The following OPCML variants were observed in gnomAD, a reference collection of about 807,000 sequenced individuals.
OPCML encodes opioid-binding protein/cell adhesion molecule.
Under a neutral mutation model 37.8 loss-of-function variants are expected in OPCML, and 13 were observed. The observed-to-expected ratio is 0.34, with a 90% CI of 0.22 to 0.55. The LOEUF is 0.55. OPCML is among the 20% of genes least tolerant of loss of function. OPCML has a pLI of 0.91. For synonymous variants in OPCML, 176 were observed against 168.8 expected, an observed-to-expected ratio of 1.04 and a Z score of -0.33; for missense variants, 341 against 435.6, an observed-to-expected ratio of 0.78 and a Z score of 1.93.
intron 2 of OPCML, among the ~76,000 whole-genome samples, chr11:132,867,734 C>T (rs1416658209): frequency 6.6e-6 from 1 of 152,166 alleles, no homozygotes; most frequent in Non-Finnish European, 1.5e-5. Flanking sequence ...CTTTCCATTC[C>T]TTGGATCTCT....
intron 2 of OPCML, among the ~76,000 whole-genome samples, chr11:132,908,301 T>C (rs558909671): frequency 6.6e-6 from 1 of 152,178 alleles, no homozygotes; most frequent in South Asian, 2.1e-4. Flanking sequence ...CACACACACA[T>C]ATATGCACAC....
intron 2 of OPCML, among the ~76,000 whole-genome samples, chr11:132,769,580 C>T (rs771843742): frequency 6.6e-6 from 1 of 152,184 alleles, no homozygotes; most frequent in Non-Finnish European, 1.5e-5. Flanking sequence ...TTTTCAATAT[C>T]TGCTCCTACC....
At chr11:132,973,055 C>T (rs556339267) in intron 1 of OPCML, among the ~76,000 whole-genome samples, 3 of 152,214 alleles carry the variant, frequency 2.0e-5, no homozygotes, top group African/African-American at 7.2e-5. Flanking sequence ...GCAAGTATGA[C>T]AGTTTTGTGT....
chr11:132,875,845 T>C (rs1942990384), intron 2 of OPCML, among the ~76,000 whole-genome samples: 1 of 152,192 alleles, frequency 6.6e-6, no homozygotes, highest in South Asian at 2.1e-4. Flanking sequence ...AGAGCCTGGG[T>C]TCCTCTGGTT....
intron 1 of OPCML, among the ~76,000 whole-genome samples, chr11:133,496,995 G>T (rs1212539522): frequency 6.6e-6 from 1 of 152,128 alleles, no homozygotes; most frequent in East Asian, 1.9e-4. Flanking sequence ...CAGAGGTAAT[G>T]CTTTCAACTT....
At chr11:132,843,711 T>C (rs544922857) in intron 2 of OPCML, among the ~76,000 whole-genome samples, 1 of 152,338 alleles carries the variant, frequency 6.6e-6, no homozygotes, top group South Asian at 2.1e-4. Context: ...ATTGAGATTG[T>C]GGCAGAAGGT....
chr11:132,736,786 G>T (rs1945273778), intron 2 of OPCML, among the ~76,000 whole-genome samples: 1 of 152,106 alleles, frequency 6.6e-6, no homozygotes, highest in South Asian at 2.1e-4. Context: ...TATGACCACT[G>T]CCCCATTGAC....
chr11:132,793,944 G>A (rs1204856504), intron 2 of OPCML, among the ~76,000 whole-genome samples: 3 of 152,190 alleles, frequency 2.0e-5, no homozygotes, highest in Non-Finnish European at 4.4e-5. Flanking sequence ...TCCCTGCCGT[G>A]ACCCCCATGC....
intron 1 of OPCML, among the ~76,000 whole-genome samples, chr11:133,082,428 C>A (rs1448694773): frequency 8.8e-6 from 1 of 113,572 alleles, no homozygotes; most frequent in East Asian, 3.1e-4. Context: ...TATCCTCCCC[C>A]CTCCCCATCC....
At position 132,842,424 on chromosome 11, in the gene OPCML, C is replaced by T. The variant is rs567578372; in HGVS notation, c.146+100502G>A. On this transcript the variant is annotated intron_variant, in intron 2 of 7. Transcript: ENST00000524381. ...AGCCTCCCCTCTTCCCAGCAATATTCGCAGTAGCTTAAGGGCTAAACAAAC... is the reference window on the plus strand; with the variant it reads ...AGCCTCCCCTCTTCCCAGCAATATTTGCAGTAGCTTAAGGGCTAAACAAAC... Among the ~76,000 whole-genome samples the T allele has an allele frequency of 2.6e-5, 4 of 152,308 alleles. No homozygotes were observed. The South Asian group carries it at 8.3e-4, about 32-fold the overall frequency.
intron 3 of OPCML, among the ~76,000 whole-genome samples, chr11:132,618,153 C>T (rs10791241): frequency 0.49 from 74,058 of 152,098 alleles, 18,462 homozygotes; most frequent in Non-Finnish European, 0.52. Flanking sequence ...ACAGCACCAA[C>T]TTTGGTCACA....
intron 1 of OPCML, among the ~76,000 whole-genome samples, chr11:132,996,077 C>T (rs1205904501): frequency 2.0e-5 from 3 of 152,144 alleles, no homozygotes; most frequent in African/African-American, 7.2e-5. Context: ...GCCTAGGGAG[C>T]ACGCAAGTCC....
At chr11:133,456,582 G>T (rs1946675702) in intron 1 of OPCML, among the ~76,000 whole-genome samples, 1 of 151,926 alleles carries the variant, frequency 6.6e-6, no homozygotes, top group African/African-American at 2.4e-5. Flanking sequence ...AGAAAAATAG[G>T]TATCAGACTG....
chr11:132,977,064 A>G (rs556415750), intron 1 of OPCML, among the ~76,000 whole-genome samples: 16 of 152,342 alleles, frequency 1.1e-4, no homozygotes, highest in African/African-American at 3.6e-4. Flanking sequence ...CTTTCTCCAC[A>G]TCTGAGAGCT....
chr11:132,563,495 G>A (rs949092266), intron 3 of OPCML, among the ~76,000 whole-genome samples: 4 of 151,424 alleles, frequency 2.6e-5, no homozygotes, highest in African/African-American at 4.9e-5. Context: ...GCTTTTGGAC[G>A]GGCTGATGGA....
chr11:132,778,869 CA>C (rs1203211547), intron 2 of OPCML, among the ~76,000 whole-genome samples: 6 of 146,028 alleles, frequency 4.1e-5, no homozygotes, highest in African/African-American at 1.5e-4. Flanking sequence ...TAACTTTTGA[CA>C]AAAAATATAA....
intron 2 of OPCML, among the ~76,000 whole-genome samples, chr11:132,687,927 T>A (rs1315214878): frequency 6.6e-6 from 1 of 152,196 alleles, no homozygotes; most frequent in South Asian, 2.1e-4. Context: ...AATTGGGCTC[T>A]CTGTGATTTA....
intron 2 of OPCML, among the ~76,000 whole-genome samples, chr11:132,712,593 C>T (rs1396561284): frequency 6.6e-6 from 1 of 152,202 alleles, no homozygotes; most frequent in Non-Finnish European, 1.5e-5. Context: ...GACGCAGTGC[C>T]GGCTGTATTG....
intron 2 of OPCML, among the ~76,000 whole-genome samples, chr11:132,803,214 C>T (rs1938784154): frequency 6.6e-6 from 1 of 152,180 alleles, no homozygotes; most frequent in South Asian, 2.1e-4. Flanking sequence ...CCAGTAAAAG[C>T]TATGCTCAAT....
Sources: gnomAD v4.1 joint callset for allele counts (sites outside exome capture counted in the v4.1 genomes callset) on GRCh38, gnomAD v4.1.1 for gene constraint, MANE v1.5 for transcripts, NCBI Gene and HGNC (gene_info 2026-07-23, HGNC 2026-07-21) for gene names.